TRIP13: variants seen among roughly 807,000 people sequenced by gnomAD.
The protein encoded by TRIP13 is pachytene checkpoint protein 2 homolog.
Under a neutral mutation model 54.4 loss-of-function variants are expected in TRIP13, and 25 were observed. That is an observed-to-expected ratio of 0.46 (90% CI 0.33 to 0.64). The LOEUF is 0.64. Ranked by LOEUF, TRIP13 falls within the 30% of genes least tolerant of loss-of-function variation. TRIP13 has a pLI of 0.02. For synonymous variants in TRIP13, 207 were observed against 207.8 expected, an observed-to-expected ratio of 1.00 and a Z score of 0.03; for missense variants, 373 against 534.2, an observed-to-expected ratio of 0.70 and a Z score of 2.97.
intron 2 of TRIP13, among the ~76,000 whole-genome samples, chr5:895,836 T>G (rs1753901228): frequency 6.6e-6 from 1 of 152,216 alleles, no homozygotes; most frequent in African/African-American, 2.4e-5. Flanking sequence ...CAGATGTTTG[T>G]TAGATGCTGT....
In TRIP13 at chr5:907,243, A is replaced by C. The variant is rs575599454; in HGVS notation, c.672+50A>C. The C allele has an allele frequency of 3.3e-6, 5 of 1,505,604 alleles. No homozygotes were observed. Among genetic ancestry groups the C allele is most frequent in the Non-Finnish European group, 4.6e-6 (5 of 1,085,824 alleles). 93.3% of individuals were successfully genotyped at this position (1,505,604 alleles called of 1,614,324 possible). A position where few individuals can be genotyped will look rare whatever the true frequency, so the allele number is the denominator to read the frequency against. On this transcript the variant is annotated intron_variant, in intron 7 of 12. Transcript: ENST00000166345. The surrounding 1 kb of genome is among the most constrained non-coding windows in gnomAD (Gnocchi z 4.1). The stretch of plus-strand genomic sequence containing the variant: ...TTGTCTGGATTGTATAGCTGAAAAA[A>C]TGTCTTGTATGTTAGGCAAATCCTC...
intron 2 of TRIP13, 91 bp from the exon 3 acceptor site, chr5:896,571 GTTT>G: frequency 7.3e-7 from 1 of 1,376,454 alleles, no homozygotes; most frequent in South Asian, 1.4e-5. Context: ...TGTACATTCA[GTTT>G]TTATTTGTAG....
intron 5 of TRIP13, among the ~76,000 whole-genome samples, chr5:902,664 G>A (rs1306093547): frequency 6.7e-6 from 1 of 148,734 alleles, no homozygotes; most frequent in Non-Finnish European, 1.5e-5. Flanking sequence ...AAAGACACAA[G>A]ACAAAGAGAT....
rs1754235403 is a variant in TRIP13, at chr5:911,690, G to C, written c.867-153G>C. Among the ~76,000 whole-genome samples the C allele has an allele frequency of 6.6e-6, 1 of 152,236 alleles. No homozygotes were observed. Among genetic ancestry groups the C allele is most frequent in the South Asian group, 2.1e-4 (1 of 4,830 alleles). On this transcript the variant is annotated intron_variant, in intron 9 of 12. Coordinates refer to ENST00000166345, the MANE Select transcript of TRIP13 (RefSeq NM_004237.4). This position sits in a 1 kb window ranked among gnomAD's most constrained non-coding sequence, Gnocchi z 4.7. ...GAGCAGCGAGAGCAAAGGCTGGGGGGTCTGCGTGGCCTGTGTTGGCACAAG... is the reference window on the plus strand; with the variant it reads ...GAGCAGCGAGAGCAAAGGCTGGGGGCTCTGCGTGGCCTGTGTTGGCACAAG...
intron 6 of TRIP13, among the ~76,000 whole-genome samples, chr5:906,403 C>A (rs551564230): frequency 6.6e-6 from 1 of 152,172 alleles, no homozygotes; most frequent in South Asian, 2.1e-4. Context: ...AATATTCAAC[C>A]CAGTCTATAT....
Position 911,569 on chromosome 5 carries a change from T to TC in TRIP13, c.867-273dup, listed in dbSNP as rs1183006376. ...CTGGGCGAAAGAGCGAGACTCTGTCTCAAAAAAAAAAAAAAAGGAAAGTGA... is the reference window on the plus strand; with the variant it reads ...CTGGGCGAAAGAGCGAGACTCTGTCTCCAAAAAAAAAAAAAAAGGAAAGTGA... On this transcript the variant is annotated intron_variant, in intron 9 of 12. Transcript: ENST00000166345. The surrounding 1 kb of genome is among the most constrained non-coding windows in gnomAD (Gnocchi z 4.7). 3.5e-5 allele frequency among the ~76,000 whole-genome samples: 5 copies of TC among 141,594 alleles called. No individual in the cohort carries two copies. Among genetic ancestry groups the TC allele is most frequent in the East Asian group, 4.1e-4 (2 of 4,894 alleles). The allele number at this position is 141,594 out of a possible 152,430, so 92.9% of individuals were successfully genotyped here.
intron 4 of TRIP13, among the ~76,000 whole-genome samples, chr5:900,807 G>A (rs188496107): frequency 1.4e-4 from 22 of 152,288 alleles, no homozygotes; most frequent in African/African-American, 5.3e-4. Context: ...GAGATGGGAG[G>A]AGGGAAGGTG....
intron 5 of TRIP13, 67 bp downstream of exon 5, chr5:901,498 G>T: frequency 6.7e-7 from 1 of 1,494,448 alleles, no homozygotes; most frequent in South Asian, 1.2e-5. Context: ...TTGTACCTTC[G>T]TCCTTCTGCA....
intron 1 of TRIP13, 35 bp downstream of exon 1, chr5:893,125 C>T: frequency 2.6e-6 from 4 of 1,520,188 alleles, no homozygotes; most frequent in Non-Finnish European, 3.5e-6. Flanking sequence ...CCTCTGGGCA[C>T]CCACCCGCCC....
chr5:911,947 C>T lies in TRIP13; in HGVS notation c.971C>T (p.Ala324Val). The T allele has an allele frequency of 5.0e-6, 8 of 1,613,696 alleles. No homozygotes were observed. Among genetic ancestry groups the T allele is most frequent in the Non-Finnish European group, 5.9e-6 (7 of 1,179,942 alleles). The change falls in exon 10 of 13, where the codon GCA becomes GTA. Residue 324 changes from alanine to valine, a missense_variant. This residue lies in a region of TRIP13 where 101 missense variants were observed against 138.5 expected (regional missense o/e 0.73). Coordinates refer to ENST00000166345, the MANE Select transcript of TRIP13 (RefSeq NM_004237.4). The surrounding 1 kb of genome is among the most constrained non-coding windows in gnomAD (Gnocchi z 4.7). ...DIKQYIGPPS[A>V]AAIFKIYLSC... Reference sequence around the variant, plus strand: ...AAGCAGTACATTGGGCCACCCTCTGCAGCAGCCATCTTCAAAATCTACCTC... The same window carrying T: ...AAGCAGTACATTGGGCCACCCTCTGTAGCAGCCATCTTCAAAATCTACCTC...
At position 912,022 on chromosome 5, in the gene TRIP13, G is replaced by A. The variant is rs1459358180; in HGVS notation, c.1020+26G>A. 2 of 1,593,306 alleles carry A rather than the reference G, an allele frequency of 1.3e-6. No homozygotes were observed. The highest frequency in any genetic ancestry group is 1.7e-6 in the Non-Finnish European group (2 of 1,173,146). On this transcript the variant is annotated intron_variant, in intron 10 of 12. Transcript: ENST00000166345. The surrounding 1 kb of genome is among the most constrained non-coding windows in gnomAD (Gnocchi z 7.2). Reference sequence around the variant, plus strand: ...GTACCTTTATTTTTTTTTTCCTCTTGATACAAATGGATTTCTTATATGTTC... The same window carrying A: ...GTACCTTTATTTTTTTTTTCCTCTTAATACAAATGGATTTCTTATATGTTC...
intron 10 of TRIP13, 88 bp from the exon 11 acceptor site, chr5:914,377 G>A (rs745823191): frequency 5.9e-6 from 5 of 852,306 alleles, no homozygotes; most frequent in Non-Finnish European, 9.7e-6. Context: ...GTTGACATTT[G>A]ACCTGCAGGT....
rs1456435438 is a variant in TRIP13 at position 914,589 on chromosome 5, C to T, written c.1133+12C>T. ...AATGACATTTCAAGGTGCAAATTGA[C>T]CTCATTTTTGTAATCAAGAAGAATC... On this transcript the variant is annotated intron_variant, in intron 11 of 12. Transcript: ENST00000166345. 7 of 1,596,752 alleles carry T rather than the reference C, an allele frequency of 4.4e-6. No individual in the cohort carries two copies.
Position 911,181 on chromosome 5 carries a change from T to C in TRIP13, c.867-662T>C, listed in dbSNP as rs1340827821. On this transcript the variant is annotated intron_variant, in intron 9 of 12. Transcript: ENST00000166345. This position sits in a 1 kb window ranked among gnomAD's most constrained non-coding sequence, Gnocchi z 4.7. The stretch of plus-strand genomic sequence containing the variant: ...ATGAACATGGGAAGTAACCCAGCTC[T>C]AGAGTATGTCTAGGGATGATGAGTG... Among the ~76,000 whole-genome samples the C allele has an allele frequency of 6.6e-6, 1 of 152,180 alleles. No homozygotes were observed. Among genetic ancestry groups the C allele is most frequent in the Admixed American group, 6.5e-5 (1 of 15,278 alleles).
rs934385930 is a variant in TRIP13, at chr5:915,135, G to T, written c.1133+558G>T. ...TTTGAAGTTGGCAAGAATGTGGAAG[G>T]CTTTAAACAAGGGATAACATGAAGA... On this transcript the variant is annotated intron_variant, in intron 11 of 12. Coordinates refer to ENST00000166345, the MANE Select transcript of TRIP13 (RefSeq NM_004237.4). The surrounding 1 kb of genome is among the most constrained non-coding windows in gnomAD (Gnocchi z 4.2). Among the ~76,000 whole-genome samples, 2 of 152,206 alleles carry T rather than the reference G, an allele frequency of 1.3e-5. No individual in the cohort carries two copies. Among genetic ancestry groups the T allele is most frequent in the Non-Finnish European group, 2.9e-5 (2 of 68,042 alleles).
At chr5:910,216 A>G (rs1445404799) in intron 9 of TRIP13, among the ~76,000 whole-genome samples, 1 of 151,972 alleles carries the variant, frequency 6.6e-6, no homozygotes, top group Non-Finnish European at 1.5e-5. Context: ...CTCTTTCTGG[A>G]ACTTTGCACA....
Position 915,396 on chromosome 5 carries a change from C to T in TRIP13, c.1134-508C>T, listed in dbSNP as rs1338546061. On this transcript the variant is annotated intron_variant, in intron 11 of 12. Transcript: ENST00000166345. This position sits in a 1 kb window ranked among gnomAD's most constrained non-coding sequence, Gnocchi z 4.2. Reference sequence around the variant, plus strand: ...ATGCTGGCCCTGGGGCAGAGGCTCCCGGGCAGGTGATGCCTTCCCTGAGCG... The same window carrying T: ...ATGCTGGCCCTGGGGCAGAGGCTCCTGGGCAGGTGATGCCTTCCCTGAGCG... Among the ~76,000 whole-genome samples the T allele has an allele frequency of 1.3e-5, 2 of 149,640 alleles. No homozygotes were observed. The highest frequency in any genetic ancestry group is 3.0e-5 in the Non-Finnish European group (2 of 67,378).
intron 5 of TRIP13, among the ~76,000 whole-genome samples, chr5:902,931 G>A (rs971338452): frequency 6.6e-6 from 1 of 152,208 alleles, no homozygotes; most frequent in African/African-American, 2.4e-5. Context: ...CTGCATATCA[G>A]AGACTTTTAG....
At position 893,512 on chromosome 5, in the gene TRIP13, TTC is replaced by T; in HGVS notation, c.92+425_92+426del. ...GGGTGGTTATTCTTTGAGCCACTGCTTCTCAGACCCTTTAATTGTTCCCGTTC... is the reference window on the plus strand; with the variant it reads ...GGGTGGTTATTCTTTGAGCCACTGCTTCAGACCCTTTAATTGTTCCCGTTC... On this transcript the variant is annotated intron_variant, in intron 1 of 12. Coordinates refer to ENST00000166345, the MANE Select transcript of TRIP13 (RefSeq NM_004237.4). The T allele has an allele frequency of 1.8e-5, 4 of 217,346 alleles. No individual in the cohort carries two copies. In the South Asian group the frequency reaches 2.3e-4, roughly 12 times the overall value. The allele number at this position is 217,346 out of a possible 1,614,324, so 13.5% of individuals were successfully genotyped here.
Sources: allele counts gnomAD v4.1 joint callset (sites outside exome capture counted in the v4.1 genomes callset), GRCh38; gene constraint gnomAD v4.1.1; regional missense constraint gnomAD v4.1.1; non-coding constraint Gnocchi (gnomAD v3.1); transcripts MANE v1.5; gene names NCBI Gene and HGNC (gene_info 2026-07-23, HGNC 2026-07-21).